CSGALNACT1: variants seen among roughly 807,000 people sequenced by gnomAD.
The protein encoded by CSGALNACT1 is chondroitin sulfate N-acetylgalactosaminyltransferase 1.
Under a neutral mutation model 51.0 loss-of-function variants are expected in CSGALNACT1, and 52 were observed. The ratio of observed to expected loss-of-function variants is 1.02; its 90% CI spans 0.82 to 1.29. The LOEUF (loss-of-function observed/expected upper bound fraction) is 1.29. Ranked by LOEUF, CSGALNACT1 falls within the 50% of genes most tolerant of loss-of-function variation. The pLI, the probability that CSGALNACT1 is intolerant of heterozygous loss-of-function variation, is 0.00. For missense variants in CSGALNACT1, 935 were observed against 679.2 expected (o/e 1.38, Z -4.19); for synonymous variants, 341 against 254.4 (o/e 1.34, Z -3.24).
At chr8:19,448,786 T>C (rs571940474) in intron 5 of CSGALNACT1, among the ~76,000 whole-genome samples, 4 of 152,334 alleles carry the variant, frequency 2.6e-5, no homozygotes, top group African/African-American at 9.6e-5. Flanking sequence ...AGGTATGTGA[T>C]GAATACCTAT....
intron 4 of CSGALNACT1, among the ~76,000 whole-genome samples, chr8:19,487,971 C>G (rs573813070): frequency 2.8e-4 from 42 of 151,730 alleles, no homozygotes; most frequent in Non-Finnish European, 5.0e-4. Flanking sequence ...ATACACCTCC[C>G]AAGAGACACC....
At chr8:19,738,403 T>C (rs1490802798) in intron 1 of CSGALNACT1, among the ~76,000 whole-genome samples, 3 of 152,172 alleles carry the variant, frequency 2.0e-5, no homozygotes, top group Non-Finnish European at 2.9e-5. Context: ...TATGATTCCA[T>C]GTATATGAAG....
chr8:19,655,966 G>A (rs971713153), intron 1 of CSGALNACT1, among the ~76,000 whole-genome samples: 4 of 152,078 alleles, frequency 2.6e-5, no homozygotes, highest in Non-Finnish European at 2.9e-5. Context: ...GGGGATTCAC[G>A]GGTGTCTTCT....
chr8:19,530,498 T>C (rs955877174), intron 3 of CSGALNACT1, among the ~76,000 whole-genome samples: 2 of 152,226 alleles, frequency 1.3e-5, no homozygotes, highest in African/African-American at 4.8e-5. Context: ...AATCATGACA[T>C]GTAAACTTTA....
chr8:19,408,151 A>G (rs908202420), intron 9 of CSGALNACT1, among the ~76,000 whole-genome samples: 2 of 152,102 alleles, frequency 1.3e-5, no homozygotes, highest in South Asian at 4.1e-4. Context: ...GCACTGGAAG[A>G]CTTGCTGCAA....
chr8:19,568,293 T>C lies in CSGALNACT1; in HGVS notation c.-297+22867A>G, dbSNP rs1221977732. Among the ~76,000 whole-genome samples the C allele has an allele frequency of 2.6e-5, 4 of 152,188 alleles. No individual in the cohort carries two copies. The East Asian group carries it at 5.8e-4, about 22-fold the overall frequency. On this transcript the variant is annotated intron_variant, in intron 3 of 9. Coordinates refer to ENST00000454498, the Ensembl canonical transcript of CSGALNACT1. ...TAAACCTGTAAAGCATGTTACTGTA[T>C]TGAATACAATTGTAACACAAGGGTA...
chr8:19,476,694 G>A (rs752788176), intron 4 of CSGALNACT1, among the ~76,000 whole-genome samples: 6 of 152,148 alleles, frequency 3.9e-5, no homozygotes, highest in Admixed American at 6.5e-5. Flanking sequence ...TTTTGTTTTG[G>A]AACCCAGACT....
At chr8:19,756,442 T>G (rs1163289870) in intron 1 of CSGALNACT1, among the ~76,000 whole-genome samples, 1 of 152,208 alleles carries the variant, frequency 6.6e-6, no homozygotes, top group East Asian at 1.9e-4. Flanking sequence ...TCTTCCTTTC[T>G]CACCATTCTT....
chr8:19,645,096 T>C (rs2057136152), intron 1 of CSGALNACT1, among the ~76,000 whole-genome samples: 3 of 152,332 alleles, frequency 2.0e-5, no homozygotes, highest in South Asian at 2.1e-4. Context: ...GATTTTGATA[T>C]GATTAGACTG....
chr8:19,529,623 G>A (rs1403983713), intron 3 of CSGALNACT1, among the ~76,000 whole-genome samples: 1 of 152,130 alleles, frequency 6.6e-6, no homozygotes, highest in African/African-American at 2.4e-5. Flanking sequence ...AGTGGTAAGG[G>A]AAAATGTGTC....
chr8:19,610,219 G>C (rs1175178985), intron 1 of CSGALNACT1, among the ~76,000 whole-genome samples: 1 of 149,684 alleles, frequency 6.7e-6, no homozygotes, highest in African/African-American at 2.5e-5. Flanking sequence ...GAACCAAGGA[G>C]GCGGAGGTTC....
chr8:19,459,619 G>C (rs999020829), intron 4 of CSGALNACT1, among the ~76,000 whole-genome samples: 2 of 152,092 alleles, frequency 1.3e-5, no homozygotes, highest in African/African-American at 4.8e-5. Flanking sequence ...ATGACTCAGG[G>C]AATCAGAGCA....
At chr8:19,578,656 C>T (rs139596196) in intron 3 of CSGALNACT1, among the ~76,000 whole-genome samples, 2,982 of 152,134 alleles carry the variant, frequency 0.02, 57 homozygotes, top group Non-Finnish European at 0.03. Flanking sequence ...GCGCTACCCA[C>T]CTCCCTCTAG....
At chr8:19,564,307 A>C (rs2041452305) in intron 3 of CSGALNACT1, among the ~76,000 whole-genome samples, 1 of 152,202 alleles carries the variant, frequency 6.6e-6, no homozygotes, top group Non-Finnish European at 1.5e-5. Context: ...CTCTGGGCAC[A>C]AAACAAAACA....
At chr8:19,571,537 T>C (rs1476625026) in intron 3 of CSGALNACT1, among the ~76,000 whole-genome samples, 2 of 149,936 alleles carry the variant, frequency 1.3e-5, no homozygotes, top group Non-Finnish European at 3.0e-5. Context: ...CCCCAACTAA[T>C]ATGGCTAATA....
intron 5 of CSGALNACT1, among the ~76,000 whole-genome samples, chr8:19,442,973 A>G (rs138058057): frequency 4.8e-4 from 73 of 152,276 alleles, no homozygotes; most frequent in African/African-American, 1.7e-3. Context: ...AGCAGATATC[A>G]TCACCTTCAC....
intron 1 of CSGALNACT1, among the ~76,000 whole-genome samples, chr8:19,629,736 A>G (rs2054954734): frequency 6.6e-6 from 1 of 152,204 alleles, no homozygotes; most frequent in Non-Finnish European, 1.5e-5. Flanking sequence ...ATTTGACATC[A>G]GCTCCAAATC....
upstream of CSGALNACT1, chr8:19,683,071 CAGAT>C: frequency 1.3e-5 from 3 of 237,984 alleles, no homozygotes; most frequent in Non-Finnish European, 8.6e-6. Context: ...TGGACGGGAA[CAGAT>C]AGGCAACTGT....
At position 19,405,828 on chromosome 8, in the gene CSGALNACT1, C is replaced by G. The variant is rs148625452; in HGVS notation, c.1551G>C (p.Glu517Asp). 5 of 1,614,134 alleles carry G rather than the reference C, an allele frequency of 3.1e-6. No individual in the cohort carries two copies. The highest frequency in any genetic ancestry group is 4.2e-6 in the Non-Finnish European group (5 of 1,180,032). Residue 517 changes from glutamate (E) to aspartate (D), a missense_variant, in exon 10 of 10, where the codon GAG becomes GAC. By Grantham distance (45) the Glu-to-Asp change is conservative. Transcript: ENST00000454498. ...TCTGTTTCTGTTTGCGAAGGTGAGC[C>G]TCTATCTCGTGCCTGAACACCAGCA...
Sources: gnomAD v4.1 joint callset for allele counts (sites outside exome capture counted in the v4.1 genomes callset) on GRCh38, gnomAD v4.1.1 for gene constraint, MANE v1.5 for transcripts, NCBI Gene and HGNC (gene_info 2026-07-23, HGNC 2026-07-21) for gene names.